Variants in USP9X observed in about 807,000 individuals in gnomAD.
The protein encoded by USP9X is ubiquitin carboxyl-terminal hydrolase 9X.
In USP9X, 7 loss-of-function variants were observed where a neutral mutation model predicts 190.3. That is an observed-to-expected ratio of 0.04 (90% CI 0.02 to 0.07). The LOEUF is 0.07. USP9X is among the 10% of genes least tolerant of loss of function. The pLI is 1.00. For synonymous variants in USP9X, 645 were observed against 659.5 expected (o/e 0.98, Z 0.34); for missense variants, 1,010 against 1,916.9 (o/e 0.53, Z 8.83).
At chrX:41,204,589 TAAC>T (rs1206084059) in intron 31 of USP9X, among the ~76,000 whole-genome samples, 1 of 111,741 alleles carries the variant, frequency 8.9e-6, no homozygotes, top group Non-Finnish European at 1.9e-5. Context: ...ATGCACCACA[TAAC>T]AACGTTTCAG....
intron 20 of USP9X, chrX:41,171,583 A>G: frequency 2.7e-6 from 1 of 363,670 alleles, no homozygotes; most frequent in Admixed American, 3.7e-5. Context: ...TCTAAATTGT[A>G]TATATGAGAG....
intron 21 of USP9X, among the ~76,000 whole-genome samples, chrX:41,183,791 A>C (rs2062848588): frequency 9.1e-6 from 1 of 110,260 alleles, no homozygotes; most frequent in South Asian, 3.8e-4. Flanking sequence ...GTAACTGATT[A>C]AAGAGCCCTG....
chrX:41,086,404 GC>G (rs1284064376), intron 1 of USP9X, among the ~76,000 whole-genome samples: 2 of 112,355 alleles, frequency 1.8e-5, no homozygotes, highest in Non-Finnish European at 3.8e-5. Flanking sequence ...CCTGTCTGGG[GC>G]CGAGTAGGAG....
chrX:41,167,417 G>A (rs1455823990), intron 16 of USP9X, 65 bp from the exon 17 acceptor site: 2 of 909,521 alleles, frequency 2.2e-6, no homozygotes, highest in Admixed American at 2.5e-5. Context: ...GATATGGTTT[G>A]AATTTAAATG....
intron 14 of USP9X, among the ~76,000 whole-genome samples, chrX:41,155,823 G>A (rs910069344): frequency 3.6e-5 from 4 of 111,910 alleles, no homozygotes; most frequent in Admixed American, 9.5e-5. Flanking sequence ...GTTTCCAGGC[G>A]TGGAACAGGG....
chrX:41,218,296 TCAATGAGACTCATCC>T (rs2063230802), intron 36 of USP9X, 61 bp from the exon 37 acceptor site: 1 of 1,021,522 alleles, frequency 9.8e-7, no homozygotes. Context: ...TTTTTTTGGT[TCAATGAGACTCATCC>T]TTTTACTATA....
intron 4 of USP9X, 98 bp downstream of exon 4, chrX:41,131,634 A>G (rs753713920): frequency 2.9e-4 from 210 of 729,902 alleles, no homozygotes; most frequent in Non-Finnish European, 3.9e-4. Flanking sequence ...TTCCTCCATC[A>G]TAAACACATA....
intron 6 of USP9X, among the ~76,000 whole-genome samples, chrX:41,140,049 A>G (rs1312150167): frequency 3.6e-5 from 4 of 112,049 alleles, no homozygotes; most frequent in Non-Finnish European, 7.5e-5. Flanking sequence ...TTTCTTAGAC[A>G]GTTCATCCTG....
chrX:41,205,523 A>G (rs755449850), intron 32 of USP9X, 30 bp downstream of exon 32: 2 of 1,147,613 alleles, frequency 1.7e-6, no homozygotes. Context: ...TAATAGAGAT[A>G]CTTCTTAAAA....
In USP9X at chrX:41,141,110, T is replaced by C; in HGVS notation, c.915T>C (p.Asp305=). Residue 305 remains aspartate, a synonymous_variant, in exon 8 of 45, where the codon GAT becomes GAC. Transcript: ENST00000378308. ...AAGCAAAGAATGAAGCCAAAAATGATGCTCTTTCAATGATTATTAAATCTT... is the reference window on the plus strand; with the variant it reads ...AAGCAAAGAATGAAGCCAAAAATGACGCTCTTTCAATGATTATTAAATCTT... ...KKEAKNEAKN[D]ALSMIIKSLK... 8.3e-7 allele frequency: 1 copy of C among 1,207,012 alleles called. No homozygotes were observed. Among genetic ancestry groups the C allele is most frequent in the Non-Finnish European group, 1.1e-6 (1 of 892,685 alleles).
At chrX:41,133,267 T>G (rs2062340249) in intron 4 of USP9X, among the ~76,000 whole-genome samples, 1 of 112,171 alleles carries the variant, frequency 8.9e-6, no homozygotes, top group African/African-American at 3.2e-5. Context: ...AGGTTACAGT[T>G]GTTTTCACCA....
At chrX:41,110,570 C>T (rs2062101983) in intron 1 of USP9X, among the ~76,000 whole-genome samples, 1 of 111,397 alleles carries the variant, frequency 9.0e-6, no homozygotes, top group Non-Finnish European at 1.9e-5. Context: ...GTCCTCTGTC[C>T]CAGTTTTTTT....
chrX:41,183,901 T>C (rs2062849857), intron 21 of USP9X, 97 bp from the exon 22 acceptor site: 11 of 1,013,588 alleles, frequency 1.1e-5, no homozygotes, highest in Non-Finnish European at 1.4e-5. Context: ...ACTGAGTGGA[T>C]TGTTATTCCA....
At chrX:41,170,350 T>TA in intron 19 of USP9X, 115 bp downstream of exon 19, 2 of 1,074,099 alleles carry the variant, frequency 1.9e-6, no homozygotes, top group Non-Finnish European at 2.5e-6. Context: ...GTGTTAGAGT[T>TA]ATAGCATTAA....
chrX:41,171,151 A>G (rs922200435), intron 20 of USP9X, among the ~76,000 whole-genome samples: 1 of 111,691 alleles, frequency 9.0e-6, no homozygotes, highest in African/African-American at 3.3e-5. Context: ...TAAAATTTAT[A>G]CCACAAAACG....
Position 41,169,875 on chromosome X carries a change from T to C in USP9X, c.2637-120T>C, listed in dbSNP as rs924115824. 3 of 930,447 alleles carry C rather than the reference T, an allele frequency of 3.2e-6. No homozygotes were observed. In the African/African-American group the frequency reaches 5.9e-5, roughly 18 times the overall value. 76.7% of individuals were successfully genotyped at this position (930,447 alleles called of 1,213,427 possible). ...CTCAAGCTGTATTAAGTATCTTTAA[T>C]TCACATCCTCTTGTTTAATAAGAAA... On this transcript the variant is annotated intron_variant, in intron 18 of 44. Transcript: ENST00000378308.
At chrX:41,138,337 T>G in intron 6 of USP9X, among the ~76,000 whole-genome samples, 1 of 111,877 alleles carries the variant, frequency 8.9e-6, no homozygotes, top group Non-Finnish European at 1.9e-5. Context: ...TCCATATGTT[T>G]TTTTCTCCTG....
intron 15 of USP9X, among the ~76,000 whole-genome samples, chrX:41,164,590 A>C (rs1298215742): frequency 8.9e-6 from 1 of 111,891 alleles, no homozygotes; most frequent in Non-Finnish European, 1.9e-5. Context: ...ATAGCAACTA[A>C]CTCAAGGAAG....
intron 38 of USP9X, among the ~76,000 whole-genome samples, chrX:41,220,646 C>T (rs1238384953): frequency 8.9e-6 from 1 of 112,334 alleles, no homozygotes; most frequent in Non-Finnish European, 1.9e-5. Context: ...CACATTTTGA[C>T]AGCAACTTAA....
Sources: gnomAD v4.1 joint callset for allele counts (sites outside exome capture counted in the v4.1 genomes callset) on GRCh38, gnomAD v4.1.1 for gene constraint, MANE v1.5 for transcripts, NCBI Gene and HGNC (gene_info 2026-07-23, HGNC 2026-07-21) for gene names.